The following NTM variants were observed in gnomAD, a reference collection of about 807,000 sequenced individuals.
NTM encodes the protein IgLON family member 2.
Under a neutral mutation model 42.1 loss-of-function variants are expected in NTM, and 13 were observed. That is an observed-to-expected ratio of 0.31 (90% confidence interval 0.20 to 0.49). NTM has a LOEUF of 0.49. NTM is among the 20% of genes least tolerant of loss of function. NTM has a pLI of 0.99. For synonymous variants in NTM, 187 were observed against 179.2 expected (o/e 1.04, Z -0.35); for missense variants, 373 against 452.8 (o/e 0.82, Z 1.60).
intron 2 of NTM, among the ~76,000 whole-genome samples, chr11:132,102,308 GT>G (rs1267608886): frequency 2.0e-4 from 31 of 152,178 alleles, no homozygotes; most frequent in Non-Finnish European, 4.0e-4. Flanking sequence ...GGGCTACGTG[GT>G]TTTTCGTTCT....
At chr11:131,767,030 C>A in intron 1 of NTM, 2 of 325,276 alleles carry the variant, frequency 6.1e-6, no homozygotes, top group Non-Finnish European at 8.8e-6. Flanking sequence ...CTAATATAAC[C>A]AAGTAAATGT....
At chr11:132,305,648 T>C (rs1040331598) in intron 4 of NTM, among the ~76,000 whole-genome samples, 2 of 152,146 alleles carry the variant, frequency 1.3e-5, no homozygotes, top group Non-Finnish European at 2.9e-5. Context: ...TGTAAGCCCG[T>C]GGTTGGTAGC....
At chr11:131,500,540 ATT>A (rs2046609835) in intron 1 of NTM, among the ~76,000 whole-genome samples, 2 of 84,846 alleles carry the variant, frequency 2.4e-5, no homozygotes, top group African/African-American at 8.1e-5. Flanking sequence ...ATAGTTATTT[ATT>A]ATATATATAT....
intron 1 of NTM, among the ~76,000 whole-genome samples, chr11:131,753,118 C>G (rs2082791050): frequency 6.6e-6 from 1 of 152,024 alleles, no homozygotes; most frequent in Admixed American, 6.6e-5. Context: ...GACATTTATG[C>G]AGCCAAAAAA....
chr11:131,710,108 G>A (rs1036634135), intron 1 of NTM, among the ~76,000 whole-genome samples: 3 of 152,128 alleles, frequency 2.0e-5, no homozygotes, highest in Non-Finnish European at 4.4e-5. Context: ...AGGGGGTGGA[G>A]CAGAAAGCCA....
chr11:131,486,817 A>C (rs1250005129), intron 1 of NTM, among the ~76,000 whole-genome samples: 1 of 152,148 alleles, frequency 6.6e-6, no homozygotes, highest in African/African-American at 2.4e-5. Context: ...AGTCTTGCTC[A>C]AAATTGCTCT....
At chr11:131,958,570 A>G (rs374009614) in intron 2 of NTM, among the ~76,000 whole-genome samples, 1 of 152,302 alleles carries the variant, frequency 6.6e-6, no homozygotes, top group African/African-American at 2.4e-5. Flanking sequence ...AGACATGAAC[A>G]CCGTCCTTCC....
rs181131435 is a variant in NTM at position 132,081,656 on chromosome 11, C to T, written c.168-64626C>T. Among the ~76,000 whole-genome samples, 192 of 151,272 alleles carry T rather than the reference C, an allele frequency of 1.3e-3. 1 individual carries two copies. Among genetic ancestry groups the T allele is most frequent in the Admixed American group, 1.1e-3 (17 of 15,184 alleles). On this transcript the variant is annotated intron_variant, in intron 2 of 8. Coordinates refer to ENST00000683400, the MANE Select transcript of NTM (RefSeq NM_001352005.2). Reference sequence around the variant, plus strand: ...CCGAGGCAGGAGAATGGCGTGAACCCGGGAGGTGGAGCTTGCAGTGAGCCG... The same window carrying T: ...CCGAGGCAGGAGAATGGCGTGAACCTGGGAGGTGGAGCTTGCAGTGAGCCG...
In NTM at chr11:131,914,414, A is replaced by G. The variant is rs747302639; in HGVS notation, c.167+2766A>G. Among the ~76,000 whole-genome samples, 25 of 152,272 alleles carry G rather than the reference A, an allele frequency of 1.6e-4. No individual in the cohort carries two copies. The Middle Eastern group carries it at 0.01, about 63-fold the overall frequency. ...GTGCTCTGGCCTGGAGGGCCGCCAT[A>G]TCCATCTTCCTATGGGTGATTGGGT... On this transcript the variant is annotated intron_variant, in intron 2 of 8. Coordinates refer to ENST00000683400, the MANE Select transcript of NTM (RefSeq NM_001352005.2).
intron 4 of NTM, among the ~76,000 whole-genome samples, chr11:132,302,800 C>T (rs751704934): frequency 1.3e-5 from 2 of 152,208 alleles, no homozygotes; most frequent in Non-Finnish European, 2.9e-5. Flanking sequence ...TGTGCTCCAT[C>T]ACTGACCAGA....
chr11:131,563,880 G>C (rs1045490855), intron 1 of NTM, among the ~76,000 whole-genome samples: 1 of 151,962 alleles, frequency 6.6e-6, no homozygotes, highest in Non-Finnish European at 1.5e-5. Flanking sequence ...ATGGCCCCTA[G>C]AGCAAACCAT....
chr11:131,925,516 G>A (rs2057827648), intron 2 of NTM, among the ~76,000 whole-genome samples: 1 of 151,076 alleles, frequency 6.6e-6, no homozygotes, highest in Non-Finnish European at 1.5e-5. Flanking sequence ...CTCCCAAATA[G>A]CTGGGACCAC....
At chr11:131,608,444 T>G (rs2137506631) in intron 1 of NTM, among the ~76,000 whole-genome samples, 1 of 152,352 alleles carries the variant, frequency 6.6e-6, no homozygotes, top group South Asian at 2.1e-4. Context: ...TCATATCAAC[T>G]GACAGTTTAG....
chr11:132,079,772 C>T (rs1289777079), intron 2 of NTM, among the ~76,000 whole-genome samples: 1 of 152,122 alleles, frequency 6.6e-6, no homozygotes, highest in Non-Finnish European at 1.5e-5. Context: ...TAGGACCTTG[C>T]TCTCTTTTGT....
chr11:131,750,800 G>A (rs1379373777), intron 1 of NTM, among the ~76,000 whole-genome samples: 6 of 152,068 alleles, frequency 3.9e-5, no homozygotes, highest in Non-Finnish European at 5.9e-5. Flanking sequence ...TTTACCTAGC[G>A]GTGACTTTCT....
chr11:131,496,922 A>G (rs1955405490), intron 1 of NTM, among the ~76,000 whole-genome samples: 1 of 152,168 alleles, frequency 6.6e-6, no homozygotes. Context: ...CAGAACTCAA[A>G]CCAGCACTGG....
At chr11:132,076,726 C>A (rs1024785065) in intron 2 of NTM, among the ~76,000 whole-genome samples, 1 of 152,080 alleles carries the variant, frequency 6.6e-6, no homozygotes, top group African/African-American at 2.4e-5. Context: ...ATCTCTCAAC[C>A]TCATTTTTTC....
chr11:132,138,433 T>C (rs1355726626), intron 2 of NTM, among the ~76,000 whole-genome samples: 2 of 152,098 alleles, frequency 1.3e-5, no homozygotes, highest in Non-Finnish European at 2.9e-5. Context: ...AAGCAGGAAG[T>C]CACAGAATTC....
Position 132,146,948 on chromosome 11 carries a change from A to C in NTM, c.400+434A>C. On this transcript the variant is annotated intron_variant, in intron 3 of 8. Transcript: ENST00000683400. This position sits in a 1 kb window ranked among gnomAD's most constrained non-coding sequence, Gnocchi z 4.5. ...CCATGTCCCCCTCCAGCCTTGAACG[A>C]AAGCAGAGCCAACCAGGATGCACTG... 1 of 181,110 alleles carries C rather than the reference A, an allele frequency of 5.5e-6. No homozygotes were observed. Among genetic ancestry groups the C allele is most frequent in the Non-Finnish European group, 1.2e-5 (1 of 86,736 alleles). 11.2% of individuals were successfully genotyped at this position (181,110 alleles called of 1,614,324 possible). A position where few individuals can be genotyped will look rare whatever the true frequency, so the allele number is the denominator to read the frequency against.
Sources: allele counts gnomAD v4.1 joint callset (sites outside exome capture counted in the v4.1 genomes callset), GRCh38; gene constraint gnomAD v4.1.1; non-coding constraint Gnocchi (gnomAD v3.1); transcripts MANE v1.5; gene names NCBI Gene and HGNC (gene_info 2026-07-23, HGNC 2026-07-21).